LHFPL2: variants seen among roughly 807,000 people sequenced by gnomAD.
The protein encoded by LHFPL2 is LHFPL tetraspan subfamily member 2.
Under a neutral mutation model 17.5 loss-of-function variants are expected in LHFPL2, and 7 were observed. The observed-to-expected ratio is 0.40, with a 90% CI of 0.23 to 0.75. The LOEUF is 0.75. Ranked by LOEUF, LHFPL2 falls within the 30% of genes least tolerant of loss-of-function variation. LHFPL2 has a pLI of 0.37. For synonymous variants in LHFPL2, 134 were observed against 116.2 expected, an observed-to-expected ratio of 1.15 and a Z score of -0.99; for missense variants, 241 against 294.8, an observed-to-expected ratio of 0.82 and a Z score of 1.34.
chr5:78,553,685 C>T (rs538964073), intron 3 of LHFPL2, among the ~76,000 whole-genome samples: 3 of 152,334 alleles, frequency 2.0e-5, no homozygotes, highest in Non-Finnish European at 4.4e-5. Flanking sequence ...CTGATTCCAC[C>T]TTCTTTCCTT....
At chr5:78,495,359 T>G (rs1318064194) in intron 4 of LHFPL2, among the ~76,000 whole-genome samples, 2 of 152,216 alleles carry the variant, frequency 1.3e-5, no homozygotes, top group African/African-American at 4.8e-5. Context: ...GACTCAAGGT[T>G]TCTTGTCTTT....
Position 78,531,926 on chromosome 5 carries a change from A to G in LHFPL2, c.-185-21528T>C, listed in dbSNP as rs185053049. Among the ~76,000 whole-genome samples, 1,437 of 148,632 alleles carry G rather than the reference A, an allele frequency of 9.7e-3. 24 individuals carry two copies. Among genetic ancestry groups the G allele is most frequent in the African/African-American group, 0.032 (1,293 of 39,812 alleles). On this transcript the variant is annotated intron_variant, in intron 3 of 4. Transcript: ENST00000380345. Reference sequence around the variant, plus strand: ...ACAAGCAGCACCACCATGCCCGGCTAATTTTTTTTTTTTTTTGAGACAGAG... The same window carrying G: ...ACAAGCAGCACCACCATGCCCGGCTGATTTTTTTTTTTTTTTGAGACAGAG...
chr5:78,505,746 C>A (rs965579770), intron 4 of LHFPL2, among the ~76,000 whole-genome samples: 7 of 152,186 alleles, frequency 4.6e-5, no homozygotes, highest in African/African-American at 1.4e-4. Flanking sequence ...TAAAACTTGC[C>A]AAGAAAGCAG....
At chr5:78,574,180 G>A (rs1159862380) in intron 2 of LHFPL2, among the ~76,000 whole-genome samples, 1 of 152,178 alleles carries the variant, frequency 6.6e-6, no homozygotes, top group Non-Finnish European at 1.5e-5. Context: ...TCAGACTGAA[G>A]AGGCCCACTA....
At chr5:78,554,208 C>G (rs1363211091) in intron 3 of LHFPL2, among the ~76,000 whole-genome samples, 1 of 152,262 alleles carries the variant, frequency 6.6e-6, no homozygotes, top group African/African-American at 2.4e-5. Flanking sequence ...GCGCCTGCTG[C>G]ACCTCAAGCC....
intron 4 of LHFPL2, among the ~76,000 whole-genome samples, chr5:78,496,746 G>A (rs556049119): frequency 1.4e-4 from 22 of 152,300 alleles, no homozygotes; most frequent in South Asian, 6.2e-4. Context: ...ATTCTCATAT[G>A]AATTTAAGAT....
intron 3 of LHFPL2, among the ~76,000 whole-genome samples, chr5:78,510,715 C>T (rs558735775): frequency 1.3e-4 from 20 of 152,220 alleles, no homozygotes; most frequent in Non-Finnish European, 2.5e-4. Context: ...ACAGGGCTCC[C>T]GCTCCCTCAT....
chr5:78,559,883 T>C (rs887686166), intron 3 of LHFPL2, among the ~76,000 whole-genome samples: 2 of 152,244 alleles, frequency 1.3e-5, no homozygotes, highest in Non-Finnish European at 1.5e-5. Context: ...CTTCAAAAAA[T>C]TTGATAATGG....
At chr5:78,496,326 A>G (rs1320359748) in intron 4 of LHFPL2, among the ~76,000 whole-genome samples, 1 of 152,204 alleles carries the variant, frequency 6.6e-6, no homozygotes, top group Non-Finnish European at 1.5e-5. Flanking sequence ...CTTAACATTC[A>G]CTGATAAACC....
At chr5:78,531,951 G>T (rs1192091964) in intron 3 of LHFPL2, among the ~76,000 whole-genome samples, 2 of 149,292 alleles carry the variant, frequency 1.3e-5, no homozygotes, top group Non-Finnish European at 3.0e-5. Context: ...TTGAGACAGA[G>T]TCTCACTCTG....
intron 1 of LHFPL2, chr5:78,644,600 C>A: frequency 4.5e-6 from 2 of 439,830 alleles, no homozygotes; most frequent in South Asian, 2.9e-5. Context: ...TTTTTTGTCT[C>A]CCATTTAGGA....
intron 2 of LHFPL2, among the ~76,000 whole-genome samples, chr5:78,594,441 C>T (rs72760994): frequency 6.6e-6 from 1 of 152,170 alleles, no homozygotes; most frequent in African/African-American, 2.4e-5. Context: ...CTAGCACATA[C>T]ATAATAGATA....
intron 2 of LHFPL2, chr5:78,590,252 T>G (rs1271343259): frequency 6.6e-6 from 1 of 151,906 alleles, no homozygotes; most frequent in Non-Finnish European, 1.5e-5. Context: ...TAGAGGTATG[T>G]TGTAATGAAA....
intron 4 of LHFPL2, among the ~76,000 whole-genome samples, chr5:78,497,167 C>T (rs922340697): frequency 8.5e-5 from 13 of 152,332 alleles, no homozygotes; most frequent in Non-Finnish European, 1.6e-4. Flanking sequence ...ACTCCTTTCT[C>T]AGAAATCCCA....
intron 3 of LHFPL2, among the ~76,000 whole-genome samples, 175 bp from the exon 4 acceptor site, chr5:78,510,573 G>A (rs1359603411): frequency 6.6e-6 from 1 of 152,232 alleles, no homozygotes; most frequent in Non-Finnish European, 1.5e-5. Context: ...AGTTCTTCCT[G>A]ACCTCACTGC....
At chr5:78,615,998 C>A (rs1031931235) in intron 2 of LHFPL2, among the ~76,000 whole-genome samples, 2 of 152,044 alleles carry the variant, frequency 1.3e-5, no homozygotes, top group Non-Finnish European at 2.9e-5. Context: ...GTTGCACTCT[C>A]TTCTGCAACT....
intron 3 of LHFPL2, chr5:78,549,252 G>C (rs1004331217): frequency 2.0e-5 from 3 of 152,232 alleles, no homozygotes; most frequent in Admixed American, 1.3e-4. Context: ...AGAGGTCTCA[G>C]AGCAGAGTTC....
chr5:78,583,880 T>G (rs1180021520), intron 2 of LHFPL2, among the ~76,000 whole-genome samples: 36 of 150,716 alleles, frequency 2.4e-4, no homozygotes, highest in African/African-American at 6.1e-4. Flanking sequence ...CAGAGTGTTT[T>G]CCAACTTGGT....
intron 1 of LHFPL2, among the ~76,000 whole-genome samples, chr5:78,639,523 A>G (rs567082275): frequency 3.3e-5 from 5 of 152,342 alleles, no homozygotes; most frequent in Non-Finnish European, 5.9e-5. Flanking sequence ...TTTTCACTGC[A>G]GAAGAACCCT....
Sources: allele counts gnomAD v4.1 joint callset (sites outside exome capture counted in the v4.1 genomes callset), GRCh38; gene constraint gnomAD v4.1.1; transcripts MANE v1.5; gene names NCBI Gene and HGNC (gene_info 2026-07-23, HGNC 2026-07-21).